The following CALHM4 variants were observed in gnomAD, a reference collection of about 807,000 sequenced individuals.
CALHM4 encodes the protein calcium homeostasis modulator family member 4, also known as calcium homeostasis modulator protein 4.
In CALHM4, 16 loss-of-function variants were observed where a neutral mutation model predicts 13.3. The observed-to-expected ratio is 1.20, with a 90% CI of 0.81 to 1.82. The LOEUF is 1.82. CALHM4 is among the 40% of genes most tolerant of loss of function. CALHM4 has a pLI of 0.00. For synonymous variants in CALHM4, 127 were observed against 137.1 expected (o/e 0.93, Z 0.52); for missense variants, 344 against 374.9 (o/e 0.92, Z 0.68).
upstream of CALHM4, among the ~76,000 whole-genome samples, chr6:116,552,468 T>C (rs1234198222): frequency 6.6e-6 from 1 of 152,188 alleles, no homozygotes; most frequent in Non-Finnish European, 1.5e-5. Flanking sequence ...CTTCCTTTTT[T>C]CTTCCAGAAC....
intron 1 of CALHM4, among the ~76,000 whole-genome samples, chr6:116,557,319 C>A (rs1327812827): frequency 1.3e-5 from 2 of 152,096 alleles, no homozygotes; most frequent in Non-Finnish European, 2.9e-5. Flanking sequence ...GAGGAAAGTG[C>A]AATTCAGGAA....
intron 2 of CALHM4, among the ~76,000 whole-genome samples, chr6:116,548,208 C>T (rs1206938269): frequency 6.6e-6 from 1 of 152,152 alleles, no homozygotes; most frequent in African/African-American, 2.4e-5. Context: ...ACTTTTGTTG[C>T]TCTTCTGCTA....
At chr6:116,557,765 G>A in intron 1 of CALHM4, 60 bp from the exon 2 acceptor site, 1 of 1,546,806 alleles carries the variant, frequency 6.5e-7, no homozygotes, top group Admixed American at 1.9e-5. Context: ...TCCCATGGCT[G>A]TTGCTTGAAT....
Position 116,535,547 on chromosome 6 carries a change from A to G in CALHM4, c.-109+6357A>G, listed in dbSNP as rs1489084090. 2.0e-5 allele frequency among the ~76,000 whole-genome samples: 3 copies of G among 152,212 alleles called. No homozygotes were observed. In the East Asian group the frequency reaches 5.8e-4, roughly 29 times the overall value. On this transcript the variant is annotated intron_variant, in intron 1 of 2. Transcript: ENST00000368597. ...CATAAATGTGTTTGGAAACCCTAAA[A>G]TATATTTTGTATAACTAAGGAGGTT... is the stretch of plus-strand genomic sequence containing the variant.
intron 1 of CALHM4, among the ~76,000 whole-genome samples, chr6:116,529,737 G>A (rs1772582917): frequency 6.6e-6 from 1 of 152,168 alleles, no homozygotes; most frequent in Admixed American, 6.5e-5. Flanking sequence ...AGGACCATCA[G>A]CAAAAATCAG....
intron 1 of CALHM4, among the ~76,000 whole-genome samples, chr6:116,538,960 A>G (rs1022032098): frequency 1.3e-5 from 2 of 152,044 alleles, no homozygotes; most frequent in Non-Finnish European, 2.9e-5. Flanking sequence ...CGATCTCTCC[A>G]TCTCCTGAGC....
chr6:116,534,473 C>T (rs148518452), intron 1 of CALHM4, among the ~76,000 whole-genome samples: 136 of 152,208 alleles, frequency 8.9e-4, no homozygotes, highest in African/African-American at 3.2e-3. Context: ...AAAAATATGA[C>T]TAGTATGATT....
upstream of CALHM4, among the ~76,000 whole-genome samples, chr6:116,548,897 T>G (rs1583308363): frequency 6.6e-6 from 1 of 152,244 alleles, no homozygotes; most frequent in South Asian, 2.1e-4. Context: ...GCATGTTTGA[T>G]GTAGGGTTTC....
chr6:116,531,888 T>A (rs1046164157), intron 1 of CALHM4, among the ~76,000 whole-genome samples: 21 of 149,614 alleles, frequency 1.4e-4, no homozygotes, highest in Non-Finnish European at 2.7e-4. Context: ...TTAATTTATA[T>A]TTAATTTTAA....
intron 2 of CALHM4, among the ~76,000 whole-genome samples, chr6:116,548,715 T>C (rs1165954872): frequency 1.3e-5 from 2 of 152,190 alleles, no homozygotes; most frequent in Non-Finnish European, 2.9e-5. Context: ...ATATACCTCA[T>C]GTACCGAGCA....
In CALHM4 at chr6:116,553,769, C is replaced by A. The variant is rs1774183746; in HGVS notation, c.-25C>A. The A allele has an allele frequency of 3.3e-6, 5 of 1,537,568 alleles. No individual in the cohort carries two copies. The highest frequency in any genetic ancestry group is 3.5e-6 in the Non-Finnish European group (4 of 1,139,330). On this transcript the variant is annotated 5_prime_UTR_variant, in exon 1 of 2. The change creates a new upstream start codon in the 5' untranslated region. Transcript: ENST00000368596. The stretch of plus-strand genomic sequence containing the variant: ...TCTAATGATCAGAAAGGGCCACAAG[C>A]TGATTTGTGTAACAGCTTCCCAAGA...
rs1028568 is a variant in CALHM4, at chr6:116,560,688, C to T, written c.*2477C>T. Among the ~76,000 whole-genome samples the T allele has an allele frequency of 0.67, 97,707 of 145,818 alleles. 33,046 individuals are homozygous for T. The highest frequency in any genetic ancestry group is 0.89 in the East Asian group (4,453 of 4,976). ...GGCTATGGTCTATAGCATTTTTTTG[C>T]TCCACAGCTAGTTAAATGAAACTTT... On this transcript the variant is annotated 3_prime_UTR_variant, in exon 2 of 2. Transcript: ENST00000368596.
At position 116,560,668 on chromosome 6, in the gene CALHM4, T is replaced by G. The variant is rs1774552252; in HGVS notation, c.*2457T>G. On this transcript the variant is annotated 3_prime_UTR_variant, in exon 2 of 2. Coordinates refer to ENST00000368596, the MANE Select transcript of CALHM4 (RefSeq NM_001366078.2). ...AGTATTTTGGGGGGGGGGGGGGCTA[T>G]GGTCTATAGCATTTTTTTGCTCCAC... 6.9e-6 allele frequency among the ~76,000 whole-genome samples: 1 copy of G among 144,188 alleles called. No individual in the cohort carries two copies. The highest frequency in any genetic ancestry group is 2.6e-5 in the African/African-American group (1 of 38,758). 94.6% of individuals were successfully genotyped at this position (144,188 alleles called of 152,430 possible). A position where few individuals can be genotyped will look rare whatever the true frequency, so the allele number is the denominator to read the frequency against.
In CALHM4 at chr6:116,535,056, G is replaced by A. The variant is rs550523659; in HGVS notation, c.-109+5866G>A. Among the ~76,000 whole-genome samples the A allele has an allele frequency of 2.6e-5, 4 of 152,244 alleles. No homozygotes were observed. In the East Asian group the frequency reaches 7.7e-4, roughly 29 times the overall value. On this transcript the variant is annotated intron_variant, in intron 1 of 2. Transcript: ENST00000368597. The stretch of plus-strand genomic sequence containing the variant: ...CTTTGACAAACATAATTTGTGCAAG[G>A]CCGAGCAGTTATAAACATTGTCAGT...
chr6:116,557,374 AG>A (rs1395650420), intron 1 of CALHM4, among the ~76,000 whole-genome samples: 1 of 152,244 alleles, frequency 6.6e-6, no homozygotes, highest in Admixed American at 6.5e-5. Flanking sequence ...AAAATGCCTT[AG>A]AAGGTTACTA....
chr6:116,540,052 G>T (rs921114911), intron 1 of CALHM4, among the ~76,000 whole-genome samples: 2 of 152,084 alleles, frequency 1.3e-5, no homozygotes, highest in Non-Finnish European at 2.9e-5. Context: ...CTGGTTTGGG[G>T]CATGCATGTT....
chr6:116,537,457 C>A (rs1773170837), intron 1 of CALHM4, among the ~76,000 whole-genome samples: 1 of 152,116 alleles, frequency 6.6e-6, no homozygotes. Flanking sequence ...AATATAATTT[C>A]TAAATGGGGA....
At chr6:116,549,982 A>T (rs9387419), upstream of CALHM4, among the ~76,000 whole-genome samples, 112 of 2,842 alleles carry the variant, frequency 0.039, no homozygotes, top group Non-Finnish European at 0.065. Context: ...ATCTTAAATT[A>T]TATATATATA....
chr6:116,540,606 C>A, intron 1 of CALHM4: 1 of 745,406 alleles, frequency 1.3e-6, no homozygotes, highest in South Asian at 1.8e-5. Context: ...TGGCTTTTGG[C>A]TGTGGGCTTC....
Sources: gnomAD v4.1 joint callset for allele counts (sites outside exome capture counted in the v4.1 genomes callset) on GRCh38, gnomAD v4.1.1 for gene constraint, MANE v1.5 for transcripts, NCBI Gene and HGNC (gene_info 2026-07-23, HGNC 2026-07-21) for gene names.